C12orf42: variants seen among roughly 807,000 people sequenced by gnomAD.
C12orf42 encodes the protein uncharacterized protein C12orf42.
C12orf42 carries 25 observed loss-of-function variants against 21.6 expected under a neutral mutation model. The observed-to-expected ratio is 1.16, with a 90% CI of 0.84 to 1.62. The LOEUF is 1.62. C12orf42 is among the 40% of genes most tolerant of loss of function. The pLI, the probability that C12orf42 is intolerant of heterozygous loss-of-function variation, is 0.00. For missense variants in C12orf42, 483 were observed against 459.3 expected (o/e 1.05, Z -0.47); for synonymous variants, 174 against 175.0 (o/e 0.99, Z 0.05).
rs1222776269 is a variant in C12orf42 at position 103,352,803 on chromosome 12, G to T, written c.259+16084C>A. On this transcript the variant is annotated intron_variant, in intron 4 of 5. Transcript: ENST00000548883. Reference sequence around the variant, plus strand: ...AAAATGGAGATAATAATATGACTATGCCATAGGATTTTTTATGAGGATTAA... The same window carrying T: ...AAAATGGAGATAATAATATGACTATTCCATAGGATTTTTTATGAGGATTAA... Among the ~76,000 whole-genome samples the T allele has an allele frequency of 5.3e-5, 8 of 152,124 alleles. No homozygotes were observed. The East Asian group carries it at 1.5e-3, about 29-fold the overall frequency.
At chr12:103,244,780 T>G (rs2033932825) in intron 10 of C12orf42, among the ~76,000 whole-genome samples, 2 of 152,074 alleles carry the variant, frequency 1.3e-5, no homozygotes, top group Non-Finnish European at 2.9e-5. Context: ...AGCCCCTATC[T>G]TGTCATTAAT....
chr12:103,411,258 C>A (rs2048823679), intron 2 of C12orf42, among the ~76,000 whole-genome samples: 1 of 152,064 alleles, frequency 6.6e-6, no homozygotes, highest in Non-Finnish European at 1.5e-5. Flanking sequence ...AACTATATAG[C>A]TAATTCTATT....
chr12:103,432,816 G>A (rs992542028), intron 2 of C12orf42, among the ~76,000 whole-genome samples: 1 of 152,154 alleles, frequency 6.6e-6, no homozygotes, highest in African/African-American at 2.4e-5. Context: ...CAGCAAGAAG[G>A]TGGCCATCAG....
At chr12:103,393,999 A>G (rs965974514) in intron 3 of C12orf42, among the ~76,000 whole-genome samples, 1 of 152,202 alleles carries the variant, frequency 6.6e-6, no homozygotes, top group Non-Finnish European at 1.5e-5. Flanking sequence ...CTTGCGAGCT[A>G]TCATCTGGGC....
the C12orf42 span, among the ~76,000 whole-genome samples, chr12:103,074,930 A>AC: frequency 1.3e-5 from 2 of 151,414 alleles, no homozygotes; most frequent in African/African-American, 4.9e-5. Context: ...TACAAAAATA[A>AC]TAAAAAAAAT....
At chr12:103,379,134 G>A (rs377475362) in intron 3 of C12orf42, among the ~76,000 whole-genome samples, 118 of 152,130 alleles carry the variant, frequency 7.8e-4, no homozygotes, top group Middle Eastern at 3.4e-3. Context: ...ATGTGATCAC[G>A]GTTCTAGAAA....
chr12:103,256,312 C>T (rs2034616608), intron 10 of C12orf42, among the ~76,000 whole-genome samples: 1 of 150,166 alleles, frequency 6.7e-6, no homozygotes, highest in Non-Finnish European at 1.5e-5. Context: ...CTTTTTGAAT[C>T]CTCACTTTAA....
At chr12:103,314,887 C>T (rs1220375272) in intron 4 of C12orf42, among the ~76,000 whole-genome samples, 1 of 152,134 alleles carries the variant, frequency 6.6e-6, no homozygotes, top group Non-Finnish European at 1.5e-5. Flanking sequence ...AATCTTTCCC[C>T]TCCATCCATA....
intron 4 of C12orf42, among the ~76,000 whole-genome samples, chr12:103,368,317 TCACACACACACA>T (rs3065785): frequency 6.8e-6 from 1 of 146,520 alleles, no homozygotes; most frequent in Non-Finnish European, 1.5e-5. Flanking sequence ...TCTCTCTCTC[TCACACACACACA>T]CACACACACA....
chr12:103,074,816 T>C, the C12orf42 span, among the ~76,000 whole-genome samples: 1 of 152,218 alleles, frequency 6.6e-6, no homozygotes, highest in Non-Finnish European at 1.5e-5. Flanking sequence ...CGGGACATAA[T>C]GGCTCACGCC....
intron 4 of C12orf42, among the ~76,000 whole-genome samples, chr12:103,357,236 T>C (rs1432960700): frequency 6.6e-6 from 1 of 151,736 alleles, no homozygotes; most frequent in Non-Finnish European, 1.5e-5. Context: ...GCATGGCACA[T>C]GTGTACATAT....
chr12:103,087,726 G>C, the C12orf42 span, among the ~76,000 whole-genome samples: 47 of 152,286 alleles, frequency 3.1e-4, no homozygotes, highest in African/African-American at 1.1e-3. Context: ...TTTAAAATGA[G>C]TAACATGAGG....
the C12orf42 span, among the ~76,000 whole-genome samples, chr12:103,083,620 G>A: frequency 6.4e-4 from 97 of 152,134 alleles, no homozygotes; most frequent in African/African-American, 2.2e-3. Context: ...AAAGCATATC[G>A]CTCTTTAGAT....
chr12:103,549,174 G>A, the C12orf42 span, among the ~76,000 whole-genome samples: 1 of 152,188 alleles, frequency 6.6e-6, no homozygotes, highest in African/African-American at 2.4e-5. Flanking sequence ...CACAGAGTTA[G>A]TCCTTCCTTC....
chr12:103,314,572 G>C (rs1488419992), intron 4 of C12orf42, among the ~76,000 whole-genome samples: 6 of 152,184 alleles, frequency 3.9e-5, no homozygotes, highest in African/African-American at 1.4e-4. Context: ...TTTGCCTCAA[G>C]GAACTCCACC....
chr12:103,068,932 CACATATATATATATATATATAT>C, the C12orf42 span, among the ~76,000 whole-genome samples: 488 of 48,210 alleles, frequency 0.01, 24 homozygotes, highest in Non-Finnish European at 0.015. Flanking sequence ...TCTCTCTCTC[CACATATATATATATATATATAT>C]ATATATATAT....
chr12:103,092,141 GT>G, the C12orf42 span, among the ~76,000 whole-genome samples: 1 of 152,184 alleles, frequency 6.6e-6, no homozygotes, highest in Non-Finnish European at 1.5e-5. Flanking sequence ...AAGGATGTTA[GT>G]TTCCTCCAAT....
chr12:103,524,967 G>C, the C12orf42 span, among the ~76,000 whole-genome samples: 1 of 151,098 alleles, frequency 6.6e-6, no homozygotes, highest in East Asian at 2.0e-4. Flanking sequence ...TTTTTTGGGG[G>C]GGGGGCAGGG....
At chr12:103,492,576 T>C (rs919934082) in intron 1 of C12orf42, among the ~76,000 whole-genome samples, 3 of 152,218 alleles carry the variant, frequency 2.0e-5, no homozygotes, top group African/African-American at 7.2e-5. Context: ...TGGTTCTTTC[T>C]CCAGCTCATG....
Sources: allele counts gnomAD v4.1 joint callset (sites outside exome capture counted in the v4.1 genomes callset), GRCh38; gene constraint gnomAD v4.1.1; transcripts MANE v1.5; gene names NCBI Gene and HGNC (gene_info 2026-07-23, HGNC 2026-07-21).